SGCZ: variants seen among roughly 807,000 people sequenced by gnomAD.
The protein encoded by SGCZ is sarcoglycan zeta.
In SGCZ, 40 loss-of-function variants were observed where a neutral mutation model predicts 41.3. The ratio of observed to expected loss-of-function variants is 0.97; its 90% confidence interval spans 0.75 to 1.26. The LOEUF is 1.26. Ranked by LOEUF, SGCZ falls within the 50% of genes most tolerant of loss-of-function variation. The pLI, the probability that SGCZ is intolerant of heterozygous loss-of-function variation, is 0.00. For synonymous variants in SGCZ, 206 were observed against 137.5 expected (o/e 1.50, Z -3.49); for missense variants, 552 against 369.8 (o/e 1.49, Z -4.04).
chr8:14,121,983 G>A (rs10096932), intron 5 of SGCZ, among the ~76,000 whole-genome samples: 7,435 of 152,174 alleles, frequency 0.049, 332 homozygotes, highest in African/African-American at 0.12. Context: ...AGGTCAGTTA[G>A]AAGACTTTAA....
chr8:15,071,782 T>C (rs982352482), intron 1 of SGCZ, among the ~76,000 whole-genome samples: 5 of 152,012 alleles, frequency 3.3e-5, no homozygotes, highest in Non-Finnish European at 7.4e-5. Flanking sequence ...CCTGAGTGAC[T>C]CTTCCCACAA....
intron 5 of SGCZ, among the ~76,000 whole-genome samples, chr8:14,112,642 G>T: frequency 6.6e-6 from 1 of 152,006 alleles, no homozygotes; most frequent in African/African-American, 2.4e-5. Flanking sequence ...GAATAGACTT[G>T]TCTTATTCCC....
chr8:14,101,119 G>C (rs764256555), intron 7 of SGCZ, among the ~76,000 whole-genome samples: 4 of 151,402 alleles, frequency 2.6e-5, no homozygotes, highest in Non-Finnish European at 4.4e-5. Context: ...AAGATGTCCA[G>C]GTTTGAAAAA....
intron 1 of SGCZ, among the ~76,000 whole-genome samples, chr8:15,117,372 G>A (rs539695308): frequency 6.6e-6 from 1 of 151,618 alleles, no homozygotes; most frequent in African/African-American, 2.4e-5. Flanking sequence ...AAAAAAAAAA[G>A]TATAAATGTA....
chr8:15,041,513 G>C (rs1804096019), intron 1 of SGCZ, among the ~76,000 whole-genome samples: 1 of 151,902 alleles, frequency 6.6e-6, no homozygotes, highest in Non-Finnish European at 1.5e-5. Context: ...AGTTAAATAT[G>C]CAATTTCTTT....
chr8:15,169,876 G>C (rs1799777877), intron 1 of SGCZ, among the ~76,000 whole-genome samples: 1 of 152,088 alleles, frequency 6.6e-6, no homozygotes, highest in Admixed American at 6.6e-5. Flanking sequence ...CACTGCACAT[G>C]GTTTACCATA....
chr8:14,563,713 CA>C (rs1804275417), intron 1 of SGCZ, among the ~76,000 whole-genome samples: 1 of 151,958 alleles, frequency 6.6e-6, no homozygotes. Flanking sequence ...ATCAAGAAGA[CA>C]AAAAGAACTC....
intron 1 of SGCZ, among the ~76,000 whole-genome samples, chr8:14,799,964 GTATTTTCTT>G (rs1367764424): frequency 6.6e-6 from 1 of 152,118 alleles, no homozygotes; most frequent in African/African-American, 2.4e-5. Flanking sequence ...TTTGTAAAAA[GTATTTTCTT>G]AAAACAATTC....
chr8:14,266,564 A>C (rs1799873461), intron 3 of SGCZ, among the ~76,000 whole-genome samples: 1 of 152,124 alleles, frequency 6.6e-6, no homozygotes, highest in African/African-American at 2.4e-5. Context: ...GAAAGGGACA[A>C]AATAGGGAAC....
intron 1 of SGCZ, among the ~76,000 whole-genome samples, chr8:14,728,320 A>G (rs1313970954): frequency 6.6e-6 from 1 of 151,770 alleles, no homozygotes; most frequent in Non-Finnish European, 1.5e-5. Context: ...AGAAAACTAA[A>G]GCTTTAAGCA....
chr8:15,094,138 T>C (rs943529588), intron 1 of SGCZ, among the ~76,000 whole-genome samples: 1 of 151,994 alleles, frequency 6.6e-6, no homozygotes, highest in East Asian at 1.9e-4. Context: ...TGGTTTTTTT[T>C]AAATTTTTTT....
intron 2 of SGCZ, among the ~76,000 whole-genome samples, chr8:14,548,807 C>G (rs565174017): frequency 6.6e-6 from 1 of 152,004 alleles, no homozygotes; most frequent in African/African-American, 2.4e-5. Context: ...GCATATGAGA[C>G]CAAATTGGGT....
At chr8:14,844,596 G>A (rs1277091921) in intron 1 of SGCZ, among the ~76,000 whole-genome samples, 1 of 152,108 alleles carries the variant, frequency 6.6e-6, no homozygotes, top group East Asian at 1.9e-4. Context: ...GAAATAAACT[G>A]TTGTCCTAAC....
Position 14,972,807 on chromosome 8 carries a change from T to C in SGCZ, c.39+264778A>G, listed in dbSNP as rs115720279. On this transcript the variant is annotated intron_variant, in intron 1 of 7. Coordinates refer to ENST00000382080, the MANE Select transcript of SGCZ (RefSeq NM_139167.4). ...ATCTGCACTCCTGATCTTTGTGCTA[T>C]TGTAGTCATACAAATTAAACATGCT... Among the ~76,000 whole-genome samples, 724 of 152,298 alleles carry C rather than the reference T, an allele frequency of 4.8e-3. 3 individuals are homozygous for C. The highest frequency in any genetic ancestry group is 0.016 in the African/African-American group (679 of 41,570).
intron 1 of SGCZ, among the ~76,000 whole-genome samples, chr8:14,752,413 C>CT (rs1225148913): frequency 6.6e-6 from 1 of 152,094 alleles, no homozygotes; most frequent in Non-Finnish European, 1.5e-5. Context: ...CAAAAATATC[C>CT]TTTTATTTTG....
intron 1 of SGCZ, among the ~76,000 whole-genome samples, chr8:15,088,225 C>T (rs1417129483): frequency 6.6e-6 from 1 of 152,102 alleles, no homozygotes; most frequent in Non-Finnish European, 1.5e-5. Flanking sequence ...TAAGAATGTG[C>T]CTACATTTAC....
chr8:14,542,774 A>AT (rs1216660271), intron 2 of SGCZ, among the ~76,000 whole-genome samples: 25 of 151,918 alleles, frequency 1.6e-4, no homozygotes, highest in Non-Finnish European at 2.9e-4. Flanking sequence ...GTTATCATGG[A>AT]TTTTTTATTG....
At chr8:14,733,442 ACTT>A (rs969110391) in intron 1 of SGCZ, among the ~76,000 whole-genome samples, 9 of 152,066 alleles carry the variant, frequency 5.9e-5, no homozygotes, top group East Asian at 1.9e-4. Flanking sequence ...GCAGACAAAA[ACTT>A]CTTCTTTCCC....
rs541309185 is a variant in SGCZ, at chr8:14,458,951, G to C, written c.234+95781C>G. Among the ~76,000 whole-genome samples, 50 of 152,244 alleles carry C rather than the reference G, an allele frequency of 3.3e-4. 1 individual carries two copies. Among genetic ancestry groups the C allele is most frequent in the African/African-American group, 1.2e-3 (48 of 41,558 alleles). On this transcript the variant is annotated intron_variant, in intron 2 of 7. Coordinates refer to ENST00000382080, the MANE Select transcript of SGCZ (RefSeq NM_139167.4). ...AGCCTCGAAATTAAGGTTCATAAAA[G>C]GTAAGGAAATGTCAAAAGGACATAG... is the stretch of plus-strand genomic sequence containing the variant.
Sources: gnomAD v4.1 joint callset for allele counts (sites outside exome capture counted in the v4.1 genomes callset) on GRCh38, gnomAD v4.1.1 for gene constraint, MANE v1.5 for transcripts, NCBI Gene and HGNC (gene_info 2026-07-23, HGNC 2026-07-21) for gene names.